Variants in NLGN1 observed in about 807,000 individuals in gnomAD.
NLGN1 encodes neuroligin-1.
A neutral mutation model predicts 65.5 loss-of-function variants in NLGN1; 12 were observed. The observed-to-expected ratio is 0.18, with a 90% confidence interval of 0.12 to 0.30. NLGN1 has a LOEUF of 0.30. Among genes scored for constraint, NLGN1 ranks in the 10% least tolerant of loss-of-function variants. The pLI, the probability that NLGN1 is intolerant of heterozygous loss-of-function variation, is 1.00. For synonymous variants in NLGN1, 350 were observed against 359.5 expected (o/e 0.97, Z 0.30); for missense variants, 750 against 1,007.1 (o/e 0.74, Z 3.46).
At chr3:173,589,747 C>T (rs912104772) in intron 2 of NLGN1, among the ~76,000 whole-genome samples, 1 of 151,994 alleles carries the variant, frequency 6.6e-6, no homozygotes, top group Non-Finnish European at 1.5e-5. Context: ...TTTTTTATAC[C>T]AATGTTTGTC....
chr3:173,700,167 A>G (rs1325217298), intron 3 of NLGN1, among the ~76,000 whole-genome samples: 1 of 152,214 alleles, frequency 6.6e-6, no homozygotes, highest in Non-Finnish European at 1.5e-5. Context: ...ATACTAAAAT[A>G]TTATTGTTAA....
rs34721217 is a variant in NLGN1 at position 173,944,124 on chromosome 3, G to GTTGTGTGTGTGTGTGT, written c.646+136292_646+136293insTTGTGTGTGTGTGTGT. ...TTTTAAATGTCCAGTTAATATTATG[G>GTTGTGTGTGTGTGTGT]GTGTGTGTGTGTGTGTGTGTGTGTG... is the stretch of plus-strand genomic sequence containing the variant. On this transcript the variant is annotated intron_variant, in intron 4 of 6. Transcript: ENST00000457714. Among the ~76,000 whole-genome samples the GTTGTGTGTGTGTGTGT allele has an allele frequency of 2.8e-3, 389 of 139,584 alleles. 3 individuals are homozygous for GTTGTGTGTGTGTGTGT. The highest frequency in any genetic ancestry group is 5.8e-3 in the African/African-American group (212 of 36,544). 91.6% of individuals were successfully genotyped at this position (139,584 alleles called of 152,430 possible). A position where few individuals can be genotyped will look rare whatever the true frequency, so the allele number is the denominator to read the frequency against.
chr3:173,731,533 GATAA>G (rs1475690388), intron 3 of NLGN1, among the ~76,000 whole-genome samples: 1 of 152,000 alleles, frequency 6.6e-6, no homozygotes, highest in Non-Finnish European at 1.5e-5. Flanking sequence ...ATAAATATGT[GATAA>G]ATAGTATTGT....
intron 3 of NLGN1, chr3:173,789,878 T>G (rs1346831029): frequency 1.9e-6 from 1 of 514,792 alleles, no homozygotes; most frequent in South Asian, 1.4e-5. Context: ...TCCATGCAGC[T>G]AATCTAGTTC....
At chr3:174,088,126 T>TA (rs1179831734) in intron 4 of NLGN1, among the ~76,000 whole-genome samples, 2 of 152,156 alleles carry the variant, frequency 1.3e-5, no homozygotes, top group Admixed American at 6.5e-5. Flanking sequence ...AGAATAATAA[T>TA]AAAAAACATT....
intron 4 of NLGN1, among the ~76,000 whole-genome samples, chr3:173,939,540 TG>T (rs919026365): frequency 6.6e-6 from 1 of 152,174 alleles, no homozygotes; most frequent in Non-Finnish European, 1.5e-5. Context: ...GAGAGGAAAC[TG>T]AAAGATTTTC....
chr3:173,955,076 C>T (rs1711653576), intron 4 of NLGN1, among the ~76,000 whole-genome samples: 1 of 152,036 alleles, frequency 6.6e-6, no homozygotes, highest in African/African-American at 2.4e-5. Flanking sequence ...AAAACATTAA[C>T]AAATGAGTGT....
chr3:174,282,956 A>G (rs1751714518), exon 7 of NLGN1: 1 of 152,008 alleles, frequency 6.6e-6, no homozygotes, highest in Admixed American at 6.6e-5. Flanking sequence ...TATACAAAAA[A>G]TTGTATACTA....
At chr3:174,033,091 A>G (rs1730380484) in intron 4 of NLGN1, among the ~76,000 whole-genome samples, 1 of 152,054 alleles carries the variant, frequency 6.6e-6, no homozygotes. Flanking sequence ...CAAAGAACTG[A>G]GATTAAATCA....
intron 2 of NLGN1, among the ~76,000 whole-genome samples, chr3:173,539,743 T>C (rs1738368892): frequency 7.0e-6 from 1 of 142,562 alleles, no homozygotes; most frequent in Non-Finnish European, 1.5e-5. Context: ...TACATATATG[T>C]ACATATATAA....
intron 4 of NLGN1, among the ~76,000 whole-genome samples, chr3:174,179,985 G>T (rs1730095750): frequency 6.6e-6 from 1 of 152,038 alleles, no homozygotes; most frequent in African/African-American, 2.4e-5. Flanking sequence ...AACAGTGATA[G>T]AATTATAGCA....
At chr3:173,427,023 T>C (rs1488757360) in intron 1 of NLGN1, among the ~76,000 whole-genome samples, 4 of 152,038 alleles carry the variant, frequency 2.6e-5, no homozygotes, top group Non-Finnish European at 5.9e-5. Context: ...CTGTCCAGTT[T>C]TTCTATTTCC....
intron 4 of NLGN1, among the ~76,000 whole-genome samples, chr3:174,137,425 G>C (rs549159380): frequency 9.2e-5 from 14 of 152,042 alleles, no homozygotes; most frequent in Non-Finnish European, 1.6e-4. Flanking sequence ...TTTTAATCTA[G>C]ACTCTACCTA....
intron 2 of NLGN1, among the ~76,000 whole-genome samples, chr3:173,477,377 T>C (rs1486751320): frequency 4.6e-5 from 7 of 151,868 alleles, no homozygotes; most frequent in South Asian, 2.1e-4. Context: ...CTTGTCTCTA[T>C]GGAAAAAAAA....
intron 4 of NLGN1, among the ~76,000 whole-genome samples, chr3:173,984,362 A>G (rs1719439416): frequency 6.6e-6 from 1 of 152,226 alleles, no homozygotes; most frequent in African/African-American, 2.4e-5. Context: ...GAATGAGACT[A>G]GATTAATATT....
chr3:173,582,834 C>G (rs372513010), intron 2 of NLGN1, among the ~76,000 whole-genome samples: 1 of 152,054 alleles, frequency 6.6e-6, no homozygotes, highest in Admixed American at 6.5e-5. Context: ...TTTCTGTTCT[C>G]ATCTACCCAA....
chr3:173,879,638 GT>G (rs397877454), intron 4 of NLGN1, among the ~76,000 whole-genome samples: 182 of 141,970 alleles, frequency 1.3e-3, no homozygotes, highest in Middle Eastern at 3.7e-3. Context: ...TTTTCTGTGT[GT>G]TTTTTTTTTT....
At chr3:174,032,451 C>T (rs150900943) in intron 4 of NLGN1, among the ~76,000 whole-genome samples, 1 of 152,290 alleles carries the variant, frequency 6.6e-6, no homozygotes, top group African/African-American at 2.4e-5. Context: ...GGTGTACAAG[C>T]TTGTTGTACA....
chr3:173,992,454 G>A (rs1203721518), intron 4 of NLGN1, among the ~76,000 whole-genome samples: 2 of 152,054 alleles, frequency 1.3e-5, no homozygotes, highest in African/African-American at 4.8e-5. Context: ...GCTAAGAAAT[G>A]TCTGATTCAA....
Sources: gnomAD v4.1 joint callset for allele counts (sites outside exome capture counted in the v4.1 genomes callset) on GRCh38, gnomAD v4.1.1 for gene constraint, MANE v1.5 for transcripts, NCBI Gene and HGNC (gene_info 2026-07-23, HGNC 2026-07-21) for gene names.